Variants in TIAM1 observed in about 807,000 individuals in gnomAD.
The protein encoded by TIAM1 is TIAM Rac1 associated GEF 1, also known as rho guanine nucleotide exchange factor TIAM1.
A neutral mutation model predicts 163.5 loss-of-function variants in TIAM1; 65 were observed. That is an observed-to-expected ratio of 0.40 (90% CI 0.33 to 0.49). The LOEUF (loss-of-function observed/expected upper bound fraction) is 0.49. Among genes scored for constraint, TIAM1 ranks in the 20% least tolerant of loss-of-function variants. The pLI, the probability that TIAM1 is intolerant of heterozygous loss-of-function variation, is 0.77. For synonymous variants in TIAM1, 833 were observed against 810.1 expected (o/e 1.03, Z -0.48); for missense variants, 1,789 against 2,044.7 (o/e 0.87, Z 2.41).
chr21:31,329,549 A>G (rs2075609284), intron 2 of TIAM1, among the ~76,000 whole-genome samples: 1 of 144,330 alleles, frequency 6.9e-6, no homozygotes, highest in South Asian at 2.4e-4. Context: ...AGTGTGGCTA[A>G]CACGGCATCT....
intron 5 of TIAM1, among the ~76,000 whole-genome samples, chr21:31,250,332 T>A (rs1355498847): frequency 6.6e-6 from 1 of 152,136 alleles, no homozygotes; most frequent in Non-Finnish European, 1.5e-5. Flanking sequence ...GGCATTGGGA[T>A]TGGCATTGCT....
chr21:31,242,213 A>T (rs928779224), intron 6 of TIAM1, among the ~76,000 whole-genome samples: 4 of 152,166 alleles, frequency 2.6e-5, no homozygotes, highest in Non-Finnish European at 5.9e-5. Flanking sequence ...CAATAAGGAA[A>T]TATAACTTTT....
At chr21:31,511,117 C>G (rs1446196652) in intron 1 of TIAM1, among the ~76,000 whole-genome samples, 1 of 152,164 alleles carries the variant, frequency 6.6e-6, no homozygotes, top group Non-Finnish European at 1.5e-5. Flanking sequence ...CAGGAGGAAC[C>G]AATGCCGCGG....
At chr21:31,222,434 C>T (rs1275229404) in intron 8 of TIAM1, among the ~76,000 whole-genome samples, 1 of 152,048 alleles carries the variant, frequency 6.6e-6, no homozygotes, top group East Asian at 1.9e-4. Flanking sequence ...TATAAACACA[C>T]AACACAACTA....
At chr21:31,367,453 C>T (rs2076522028) in intron 2 of TIAM1, among the ~76,000 whole-genome samples, 1 of 152,136 alleles carries the variant, frequency 6.6e-6, no homozygotes, top group Non-Finnish European at 1.5e-5. Context: ...ACTAGTTATC[C>T]ATTTTAAATG....
intron 1 of TIAM1, among the ~76,000 whole-genome samples, chr21:31,522,826 C>A (rs1354843456): frequency 2.0e-5 from 3 of 152,206 alleles, no homozygotes; most frequent in Admixed American, 6.5e-5. Context: ...TTTGATTTGA[C>A]CAATTAAAAC....
chr21:31,195,822 A>G (rs1259944596), intron 12 of TIAM1, among the ~76,000 whole-genome samples: 3 of 152,210 alleles, frequency 2.0e-5, no homozygotes, highest in Non-Finnish European at 4.4e-5. Flanking sequence ...TTAGCTAGAA[A>G]ACTGAAGTAC....
chr21:31,360,430 T>C (rs2076389421), intron 2 of TIAM1, among the ~76,000 whole-genome samples: 1 of 152,184 alleles, frequency 6.6e-6, no homozygotes, highest in South Asian at 2.1e-4. Context: ...TTGTATTATC[T>C]AGGAAGGCTT....
In TIAM1 at chr21:31,130,323, G is replaced by A. The variant is rs777710022; in HGVS notation, c.3943-8C>T. On this transcript the variant is annotated splice_region_variant and splice_polypyrimidine_tract_variant and intron_variant, in intron 24 of 27. Coordinates refer to ENST00000541036, the MANE Select transcript of TIAM1 (RefSeq NM_001353694.2). ...AAGCCTGTGAGATCCTACCTGCAGA[G>A]GAGAAGGAACCAGCTGCATAAGAAG... The A allele has an allele frequency of 5.6e-6, 9 of 1,608,530 alleles. No individual in the cohort carries two copies. The African/African-American group carries it at 6.7e-5, about 12-fold the overall frequency.
intron 1 of TIAM1, among the ~76,000 whole-genome samples, chr21:31,477,545 G>T (rs867261876): frequency 6.8e-5 from 10 of 147,260 alleles, no homozygotes; most frequent in African/African-American, 2.5e-4. Context: ...CGCAATCTCG[G>T]CTCACTGCAA....
chr21:31,210,546 G>T (rs889755460), intron 10 of TIAM1, among the ~76,000 whole-genome samples: 1 of 89,582 alleles, frequency 1.1e-5, no homozygotes, highest in Non-Finnish European at 2.0e-5. Context: ...AAGAAAGAAA[G>T]AAAGAAAGAA....
At chr21:31,488,765 G>A (rs916624097) in intron 1 of TIAM1, among the ~76,000 whole-genome samples, 2 of 152,070 alleles carry the variant, frequency 1.3e-5, no homozygotes, top group Non-Finnish European at 1.5e-5. Flanking sequence ...TTGGCATGTG[G>A]GGATTATTAT....
At position 31,378,211 on chromosome 21, in the gene TIAM1, G is replaced by A. The variant is rs369567174; in HGVS notation, c.-368-38789C>T. Among the ~76,000 whole-genome samples the A allele has an allele frequency of 4.6e-3, 677 of 148,196 alleles. 2 individuals are homozygous for A. Among genetic ancestry groups the A allele is most frequent in the African/African-American group, 0.016 (652 of 40,010 alleles). On this transcript the variant is annotated intron_variant, in intron 2 of 28. Transcript: ENST00000286827. ...ACATAAATAAGAAGAAACAAGATAAGCCAAAAGAGCCACAGAGCCCAGAAT... is the reference window on the plus strand; with the variant it reads ...ACATAAATAAGAAGAAACAAGATAAACCAAAAGAGCCACAGAGCCCAGAAT...
At chr21:31,447,101 A>G (rs1465108526) in intron 2 of TIAM1, among the ~76,000 whole-genome samples, 2 of 152,254 alleles carry the variant, frequency 1.3e-5, no homozygotes, top group East Asian at 3.9e-4. Flanking sequence ...GAAAGATAGA[A>G]AAGTAGGCCA....
chr21:31,475,935 T>A (rs78453168), intron 1 of TIAM1, among the ~76,000 whole-genome samples: 3,873 of 152,088 alleles, frequency 0.025, 170 homozygotes, highest in African/African-American at 0.088. Flanking sequence ...GGATAAAGAG[T>A]GTAGATAAAT....
intron 1 of TIAM1, among the ~76,000 whole-genome samples, chr21:31,506,261 T>TACACACACACACACACACAC (rs112908703): frequency 2.0e-5 from 3 of 148,614 alleles, no homozygotes; most frequent in East Asian, 2.0e-4. Flanking sequence ...CTCACACACG[T>TACACACACACACACACACAC]ACACACACAC....
At chr21:31,126,185 C>A (rs2082188897) in intron 26 of TIAM1, among the ~76,000 whole-genome samples, 1 of 152,106 alleles carries the variant, frequency 6.6e-6, no homozygotes. Context: ...AATATTGATT[C>A]TATTGTCTTT....
intron 19 of TIAM1, among the ~76,000 whole-genome samples, chr21:31,149,094 A>T (rs192001259): frequency 2.0e-5 from 3 of 152,294 alleles, no homozygotes; most frequent in Non-Finnish European, 4.4e-5. Flanking sequence ...AGGCAGGCAC[A>T]CTAGTGTTCA....
intron 12 of TIAM1, among the ~76,000 whole-genome samples, chr21:31,198,917 A>G (rs1301289245): frequency 3.9e-5 from 6 of 152,244 alleles, no homozygotes; most frequent in African/African-American, 1.4e-4. Flanking sequence ...GAACAAAACT[A>G]AAACTATATC....
Sources: gnomAD v4.1 joint callset for allele counts (sites outside exome capture counted in the v4.1 genomes callset) on GRCh38, gnomAD v4.1.1 for gene constraint, MANE v1.5 for transcripts, NCBI Gene and HGNC (gene_info 2026-07-23, HGNC 2026-07-21) for gene names.